MYRIP: variants seen among roughly 807,000 people sequenced by gnomAD.
MYRIP encodes the protein myosin VIIA and Rab interacting protein, also known as rab effector MyRIP.
Under a neutral mutation model 98.0 loss-of-function variants are expected in MYRIP, and 49 were observed. That is an observed-to-expected ratio of 0.50 (90% confidence interval 0.40 to 0.63). MYRIP has a LOEUF of 0.63. Ranked by LOEUF, MYRIP falls within the 30% of genes least tolerant of loss-of-function variation. The probability of loss-of-function intolerance (pLI) is 0.00; values close to 1 mark genes in which losing one functional copy is unlikely to be tolerated. For synonymous variants in MYRIP, 404 were observed against 409.5 expected, an observed-to-expected ratio of 0.99 and a Z score of 0.16; for missense variants, 1,004 against 1,058.2, an observed-to-expected ratio of 0.95 and a Z score of 0.71.
At chr3:40,227,418 G>T (rs1952520490) in intron 11 of MYRIP, among the ~76,000 whole-genome samples, 1 of 152,120 alleles carries the variant, frequency 6.6e-6, no homozygotes, top group Admixed American at 6.5e-5. Context: ...CTCTATGTGT[G>T]TGTGTGTGCC....
intron 11 of MYRIP, among the ~76,000 whole-genome samples, chr3:40,217,711 G>T (rs1365185903): frequency 2.0e-5 from 3 of 152,070 alleles, no homozygotes; most frequent in Non-Finnish European, 4.4e-5. Context: ...AAATGAAATT[G>T]ATTTTCATCA....
chr3:40,050,475 A>G (rs139400041), intron 3 of MYRIP, among the ~76,000 whole-genome samples: 16,859 of 151,974 alleles, frequency 0.11, 1,069 homozygotes, highest in East Asian at 0.22. Context: ...AAAAAAAAAG[A>G]TTCCTTTCAA....
At chr3:39,919,409 G>A (rs1339129931) in intron 2 of MYRIP, among the ~76,000 whole-genome samples, 1 of 152,182 alleles carries the variant, frequency 6.6e-6, no homozygotes, top group Non-Finnish European at 1.5e-5. Context: ...GTATCTCTAA[G>A]TGCTGAGAGG....
At chr3:40,143,089 C>T (rs1949940644) in intron 3 of MYRIP, among the ~76,000 whole-genome samples, 1 of 152,214 alleles carries the variant, frequency 6.6e-6, no homozygotes, top group Non-Finnish European at 1.5e-5. Context: ...TCATCTAGCA[C>T]TCTTTGAACA....
At chr3:39,878,951 A>G (rs1218366954) in intron 1 of MYRIP, among the ~76,000 whole-genome samples, 6 of 151,732 alleles carry the variant, frequency 4.0e-5, no homozygotes. Context: ...CTGTAGTCCC[A>G]GCTACTTGGG....
At chr3:39,886,128 A>T (rs2125651353) in intron 1 of MYRIP, among the ~76,000 whole-genome samples, 1 of 151,968 alleles carries the variant, frequency 6.6e-6, no homozygotes, top group South Asian at 2.1e-4. Flanking sequence ...CTTTACAGAC[A>T]AGCAAATGCT....
At chr3:40,027,712 T>C (rs1947166530) in intron 2 of MYRIP, among the ~76,000 whole-genome samples, 1 of 152,186 alleles carries the variant, frequency 6.6e-6, no homozygotes, top group South Asian at 2.1e-4. Flanking sequence ...AGAGAGGGGC[T>C]ATGTCTTTTT....
intron 1 of MYRIP, among the ~76,000 whole-genome samples, chr3:39,899,489 G>A (rs902739378): frequency 1.1e-4 from 17 of 151,854 alleles, no homozygotes; most frequent in African/African-American, 2.4e-4. Flanking sequence ...ATGTGAAATC[G>A]CCATTTTTAT....
chr3:40,219,456 G>T (rs184856782), intron 11 of MYRIP, among the ~76,000 whole-genome samples: 4,102 of 152,118 alleles, frequency 0.027, 98 homozygotes, highest in Non-Finnish European at 0.037. Context: ...TTTAGCATTA[G>T]GTATATCTCC....
intron 1 of MYRIP, among the ~76,000 whole-genome samples, chr3:39,861,550 A>C (rs1203560775): frequency 1.3e-5 from 2 of 152,214 alleles, no homozygotes; most frequent in African/African-American, 4.8e-5. Context: ...GAAGATATCA[A>C]GATTCAGGAG....
At chr3:40,102,488 C>T (rs1948965112) in intron 3 of MYRIP, among the ~76,000 whole-genome samples, 2 of 152,216 alleles carry the variant, frequency 1.3e-5, no homozygotes, top group South Asian at 4.1e-4. Context: ...GGAGTTTTGA[C>T]TTTTGTATCT....
intron 2 of MYRIP, among the ~76,000 whole-genome samples, chr3:40,031,457 G>A (rs920582257): frequency 6.6e-6 from 1 of 152,132 alleles, no homozygotes; most frequent in Admixed American, 6.6e-5. Flanking sequence ...AGGCTGCAAT[G>A]CTAATTTCTG....
intron 11 of MYRIP, among the ~76,000 whole-genome samples, chr3:40,229,195 G>T (rs141034546): frequency 4.9e-4 from 75 of 152,254 alleles, no homozygotes; most frequent in Middle Eastern, 3.4e-3. Flanking sequence ...CCATGTCTTT[G>T]AAAAACAGTT....
At chr3:40,136,342 A>G (rs1258668761) in intron 3 of MYRIP, among the ~76,000 whole-genome samples, 2 of 152,210 alleles carry the variant, frequency 1.3e-5, no homozygotes, top group Admixed American at 1.3e-4. Flanking sequence ...AACTATCCTA[A>G]ATATATATGC....
At chr3:40,224,547 G>A (rs1952436624) in intron 11 of MYRIP, among the ~76,000 whole-genome samples, 1 of 152,048 alleles carries the variant, frequency 6.6e-6, no homozygotes, top group African/African-American at 2.4e-5. Flanking sequence ...AGTTTCCTTT[G>A]CCAGGCCCTG....
intron 2 of MYRIP, among the ~76,000 whole-genome samples, chr3:39,901,889 GA>G: frequency 6.6e-6 from 1 of 152,172 alleles, no homozygotes; most frequent in East Asian, 1.9e-4. Flanking sequence ...CCTAGCAAGG[GA>G]CATAACATTG....
chr3:40,177,492 T>A (rs761826511), intron 8 of MYRIP, among the ~76,000 whole-genome samples: 1 of 152,132 alleles, frequency 6.6e-6, no homozygotes, highest in East Asian at 1.9e-4. Flanking sequence ...CCAATCCCCA[T>A]CAGCACCACT....
chr3:40,145,263 CT>C (rs762280512), intron 3 of MYRIP, among the ~76,000 whole-genome samples: 1 of 152,138 alleles, frequency 6.6e-6, no homozygotes, highest in Non-Finnish European at 1.5e-5. Context: ...GCAAGGAAAA[CT>C]TTTGGCACAG....
chr3:40,247,031 T>C (rs1484289767), intron 13 of MYRIP, among the ~76,000 whole-genome samples: 1 of 152,224 alleles, frequency 6.6e-6, no homozygotes, highest in Non-Finnish European at 1.5e-5. Context: ...AAAGATATAT[T>C]AAGTAGAATC....
Sources: allele counts gnomAD v4.1 joint callset (sites outside exome capture counted in the v4.1 genomes callset), GRCh38; gene constraint gnomAD v4.1.1; transcripts MANE v1.5; gene names NCBI Gene and HGNC (gene_info 2026-07-23, HGNC 2026-07-21).